The following PRICKLE2 variants were observed in gnomAD, a reference collection of about 807,000 sequenced individuals.
The protein encoded by PRICKLE2 is prickle planar cell polarity protein 2.
Under a neutral mutation model 81.4 loss-of-function variants are expected in PRICKLE2, and 21 were observed. The ratio of observed to expected loss-of-function variants is 0.26; its 90% CI spans 0.18 to 0.37. The LOEUF is 0.37. Ranked by LOEUF, PRICKLE2 falls within the 10% of genes least tolerant of loss-of-function variation. The pLI is 1.00. For synonymous variants in PRICKLE2, 456 were observed against 421.5 expected (o/e 1.08, Z -1.00); for missense variants, 940 against 1,109.0 (o/e 0.85, Z 2.16).
At chr3:64,214,482 C>T (rs142783558) in intron 1 of PRICKLE2, among the ~76,000 whole-genome samples, 2,010 of 152,246 alleles carry the variant, frequency 0.013, 17 homozygotes, top group South Asian at 0.04. Flanking sequence ...TCAGGGTTTT[C>T]TACAGGAGGG....
At chr3:64,181,419 A>G (rs1022904237) in intron 2 of PRICKLE2, among the ~76,000 whole-genome samples, 2 of 152,162 alleles carry the variant, frequency 1.3e-5, no homozygotes, top group South Asian at 4.1e-4. Context: ...GTCTTCATCC[A>G]AAACTGGAGA....
At chr3:64,162,269 T>C (rs2107044450) in intron 3 of PRICKLE2, among the ~76,000 whole-genome samples, 1 of 152,288 alleles carries the variant, frequency 6.6e-6, no homozygotes, top group Non-Finnish European at 1.5e-5. Flanking sequence ...TTCAGTTCCA[T>C]AGGATTACTA....
intron 7 of PRICKLE2, among the ~76,000 whole-genome samples, chr3:64,134,347 C>G (rs2077244687): frequency 6.6e-6 from 1 of 152,188 alleles, no homozygotes; most frequent in South Asian, 2.1e-4. Flanking sequence ...GAGGAGGTCC[C>G]TTCCCGTGAC....
intron 3 of PRICKLE2, among the ~76,000 whole-genome samples, chr3:64,160,630 G>A (rs2077717879): frequency 6.6e-6 from 1 of 152,166 alleles, no homozygotes; most frequent in Admixed American, 6.5e-5. Flanking sequence ...CTGTGATGCT[G>A]CACAAAAGTC....
At chr3:64,256,899 A>T (rs2079531905) in intron 2 of PRICKLE2, among the ~76,000 whole-genome samples, 1 of 152,230 alleles carries the variant, frequency 6.6e-6, no homozygotes, top group Admixed American at 6.5e-5. Flanking sequence ...ACAAAGGGAC[A>T]AAATGGATAT....
intron 2 of PRICKLE2, chr3:64,175,286 T>A (rs149105): frequency 0.42 from 64,949 of 152,898 alleles, 14,373 homozygotes; most frequent in African/African-American, 0.55. Context: ...CACTACTCTA[T>A]ATGTTTTGTT....
chr3:64,257,403 G>C (rs1441558252), intron 2 of PRICKLE2, among the ~76,000 whole-genome samples: 2 of 152,180 alleles, frequency 1.3e-5, no homozygotes, highest in East Asian at 3.9e-4. Flanking sequence ...TGTAGGACCA[G>C]TTCAGTGGAG....
At chr3:64,163,268 T>A in intron 2 of PRICKLE2, 139 bp from the exon 3 acceptor site, 1 of 722,718 alleles carries the variant, frequency 1.4e-6, no homozygotes, top group Non-Finnish European at 2.5e-6. Flanking sequence ...CAACAGCAGA[T>A]GAGTTTCCTA....
intron 1 of PRICKLE2, among the ~76,000 whole-genome samples, chr3:64,201,906 A>AT (rs1167088071): frequency 6.6e-6 from 1 of 152,122 alleles, no homozygotes; most frequent in Non-Finnish European, 1.5e-5. Flanking sequence ...TTTTGAGTTA[A>AT]TTTTTGTATA....
At chr3:64,254,657 G>A (rs1484450099) in intron 2 of PRICKLE2, among the ~76,000 whole-genome samples, 1 of 152,172 alleles carries the variant, frequency 6.6e-6, no homozygotes, top group Non-Finnish European at 1.5e-5. Flanking sequence ...TTTGAGCCCA[G>A]ATCAAATGTC....
At chr3:64,268,053 C>T (rs2079738971) in intron 2 of PRICKLE2, 1 of 152,232 alleles carries the variant, frequency 6.6e-6, no homozygotes, top group African/African-American at 2.4e-5. Context: ...TGCCCGGAGC[C>T]GAAGGGGGCC....
intron 2 of PRICKLE2, among the ~76,000 whole-genome samples, chr3:64,175,313 A>C (rs1193988173): frequency 6.6e-6 from 1 of 152,198 alleles, no homozygotes; most frequent in Non-Finnish European, 1.5e-5. Context: ...ATACTGGCTA[A>C]GGTTTTTTTA....
chr3:64,134,730 G>C (rs2077251881), intron 7 of PRICKLE2, among the ~76,000 whole-genome samples: 1 of 149,980 alleles, frequency 6.7e-6, no homozygotes, highest in Middle Eastern at 3.4e-3. Context: ...GGTAGTGTTT[G>C]TGTATGAGTG....
chr3:64,210,029 T>C (rs1201256783), intron 1 of PRICKLE2, among the ~76,000 whole-genome samples: 1 of 152,096 alleles, frequency 6.6e-6, no homozygotes, highest in African/African-American at 2.4e-5. Flanking sequence ...CAGAAGGTGA[T>C]ATTGTGGCCT....
chr3:64,266,448 T>G (rs889518521), intron 2 of PRICKLE2, among the ~76,000 whole-genome samples: 10 of 152,200 alleles, frequency 6.6e-5, no homozygotes, highest in African/African-American at 2.4e-4. Flanking sequence ...GAGAGCTGGG[T>G]AGTCAGTGAC....
At chr3:64,107,131 C>T (rs1450374723) in intron 7 of PRICKLE2, among the ~76,000 whole-genome samples, 1 of 152,050 alleles carries the variant, frequency 6.6e-6, no homozygotes, top group East Asian at 1.9e-4. Context: ...GTGCAGGTTC[C>T]CTTAAGATCC....
At chr3:64,243,896 C>T (rs2079307216) in intron 2 of PRICKLE2, among the ~76,000 whole-genome samples, 1 of 152,158 alleles carries the variant, frequency 6.6e-6, no homozygotes, top group Non-Finnish European at 1.5e-5. Flanking sequence ...TCTCATTTTA[C>T]CCCAATAAAA....
At position 64,266,494 on chromosome 3, in the gene PRICKLE2, C is replaced by T. The variant is rs142557889; in HGVS notation, c.129-67527G>A. 3.6e-3 allele frequency among the ~76,000 whole-genome samples: 547 copies of T among 152,300 alleles called. 1 individual carries two copies. The highest frequency in any genetic ancestry group is 0.012 in the African/African-American group (497 of 41,570). ...GGATCATTTTTATATGCCTCCCTAA[C>T]CCCCACTTTTTGGCCCCATGGGAAG... On this transcript the variant is annotated intron_variant, in intron 2 of 8. Transcript: ENST00000295902.
intron 7 of PRICKLE2, among the ~76,000 whole-genome samples, chr3:64,135,019 G>A (rs918075016): frequency 1.3e-5 from 2 of 152,198 alleles, no homozygotes; most frequent in African/African-American, 4.8e-5. Context: ...AGGCAGCAGA[G>A]TCACTGCTAG....
Sources: allele counts gnomAD v4.1 joint callset (sites outside exome capture counted in the v4.1 genomes callset), GRCh38; gene constraint gnomAD v4.1.1; transcripts MANE v1.5; gene names NCBI Gene and HGNC (gene_info 2026-07-23, HGNC 2026-07-21).